DSCAM: variants seen among roughly 807,000 people sequenced by gnomAD.
DSCAM encodes the protein DS cell adhesion molecule.
Under a neutral mutation model 217.7 loss-of-function variants are expected in DSCAM, and 47 were observed. That is an observed-to-expected ratio of 0.22 (90% CI 0.17 to 0.28). The LOEUF (loss-of-function observed/expected upper bound fraction) is 0.28, where lower values mean the gene tolerates loss of function less well. Ranked by LOEUF, DSCAM falls within the 10% of genes least tolerant of loss-of-function variation. The pLI, the probability that DSCAM is intolerant of heterozygous loss-of-function variation, is 1.00. For missense variants in DSCAM, 2,080 were observed against 2,618.3 expected, an observed-to-expected ratio of 0.79 and a Z score of 4.49; for synonymous variants, 1,056 against 1,015.3, an observed-to-expected ratio of 1.04 and a Z score of -0.76.
chr21:40,112,665 G>T (rs965245336), intron 20 of DSCAM, among the ~76,000 whole-genome samples: 2 of 151,994 alleles, frequency 1.3e-5, no homozygotes, highest in African/African-American at 4.8e-5. Context: ...TTGATAGACC[G>T]CTAGCAAGAC....
intron 8 of DSCAM, among the ~76,000 whole-genome samples, chr21:40,325,596 A>G (rs2074308821): frequency 6.6e-6 from 1 of 152,244 alleles, no homozygotes; most frequent in Admixed American, 6.5e-5. Flanking sequence ...ACAGCAAAGC[A>G]GGAAGAAGTA....
chr21:40,596,058 A>G (rs2077019377), intron 3 of DSCAM, among the ~76,000 whole-genome samples: 1 of 152,194 alleles, frequency 6.6e-6, no homozygotes, highest in Non-Finnish European at 1.5e-5. Context: ...CACTAGGACC[A>G]GCCTGTTTTC....
intron 21 of DSCAM, among the ~76,000 whole-genome samples, chr21:40,089,340 T>C (rs987739209): frequency 3.3e-5 from 5 of 152,196 alleles, no homozygotes; most frequent in Admixed American, 2.6e-4. Flanking sequence ...TTTCCTGTAC[T>C]TGGGGCATCT....
intron 16 of DSCAM, among the ~76,000 whole-genome samples, chr21:40,161,313 T>C (rs1013555839): frequency 7.9e-5 from 12 of 152,138 alleles, no homozygotes; most frequent in African/African-American, 2.7e-4. Context: ...CCAAATGGTA[T>C]AAATAAACAC....
At chr21:40,407,220 G>A (rs978318667) in intron 3 of DSCAM, among the ~76,000 whole-genome samples, 14 of 152,098 alleles carry the variant, frequency 9.2e-5, no homozygotes, top group African/African-American at 1.4e-4. Flanking sequence ...AGAATAAATT[G>A]TGTACATTTC....
chr21:40,633,462 T>A (rs931988814), intron 3 of DSCAM, among the ~76,000 whole-genome samples: 1 of 152,188 alleles, frequency 6.6e-6, no homozygotes, highest in African/African-American at 2.4e-5. Flanking sequence ...TCTCAGTAAA[T>A]AGCATCTTAA....
intron 1 of DSCAM, among the ~76,000 whole-genome samples, chr21:40,730,171 G>A (rs1007757815): frequency 7.2e-5 from 11 of 152,126 alleles, no homozygotes; most frequent in Admixed American, 1.3e-4. Flanking sequence ...CCTCCGGGGC[G>A]CAGGAGGTCA....
At chr21:40,719,947 A>G (rs1434431989) in intron 1 of DSCAM, among the ~76,000 whole-genome samples, 2 of 152,006 alleles carry the variant, frequency 1.3e-5, no homozygotes. Context: ...AGTTTAAAGA[A>G]ATTGGAAAAA....
chr21:40,667,341 G>A lies in DSCAM; in HGVS notation c.508+25469C>T, dbSNP rs185897651. On this transcript the variant is annotated intron_variant, in intron 3 of 32. Transcript: ENST00000400454. The stretch of plus-strand genomic sequence containing the variant: ...TGGACAGTATCTGAAATGCAGTCCC[G>A]AGCAGGAGAAATGTAGTTTCATCAG... Among the ~76,000 whole-genome samples the A allele has an allele frequency of 2.5e-4, 38 of 152,252 alleles. No individual in the cohort carries two copies. The East Asian group carries it at 2.7e-3, about 11-fold the overall frequency.
intron 3 of DSCAM, among the ~76,000 whole-genome samples, chr21:40,546,911 G>A (rs2076587715): frequency 6.6e-6 from 1 of 152,096 alleles, no homozygotes; most frequent in Admixed American, 6.5e-5. Flanking sequence ...CCAGGGGCTG[G>A]GGCTGGGGTG....
chr21:40,765,542 G>C (rs1422493619), intron 1 of DSCAM, among the ~76,000 whole-genome samples: 4 of 152,072 alleles, frequency 2.6e-5, no homozygotes, highest in Non-Finnish European at 5.9e-5. Flanking sequence ...TTTAAACTTT[G>C]TTTCCTGAGA....
chr21:40,843,378 G>A (rs1467080026), intron 1 of DSCAM, among the ~76,000 whole-genome samples: 3 of 73,654 alleles, frequency 4.1e-5, no homozygotes, highest in Admixed American at 3.3e-4. Context: ...ATGTGTGTGT[G>A]TGTGTGTGTG....
intron 8 of DSCAM, among the ~76,000 whole-genome samples, chr21:40,330,540 T>G (rs1320370613): frequency 1.3e-5 from 2 of 151,772 alleles, no homozygotes; most frequent in African/African-American, 4.8e-5. Flanking sequence ...TAAAGAAAGG[T>G]GTCTGCTTCG....
chr21:40,420,063 T>A (rs2123816128), intron 3 of DSCAM, among the ~76,000 whole-genome samples: 1 of 152,110 alleles, frequency 6.6e-6, no homozygotes, highest in Admixed American at 6.5e-5. Context: ...AACAAAAAAA[T>A]TAGGCACAAA....
rs191006597 is a variant in DSCAM, at chr21:40,822,315, T to C, written c.43+24304A>G. 2.8e-3 allele frequency among the ~76,000 whole-genome samples: 292 copies of C among 103,990 alleles called. 1 individual carries two copies. The highest frequency in any genetic ancestry group is 5.1e-3 in the Non-Finnish European group (261 of 50,750). 68.2% of individuals were successfully genotyped at this position (103,990 alleles called of 152,430 possible). On this transcript the variant is annotated intron_variant, in intron 1 of 32. Transcript: ENST00000400454. ...GCCTGGGTGACAGAGTGAGATCTTT[T>C]CTCAAAAAAAAAAAAAAAAAAAAAA...
intron 1 of DSCAM, among the ~76,000 whole-genome samples, chr21:40,744,826 T>C (rs148529509): frequency 0.01 from 1,584 of 152,272 alleles, 91 homozygotes; most frequent in Admixed American, 0.091. Flanking sequence ...CCCAGAAGAA[T>C]TAAATATCTA....
chr21:40,024,800 A>G lies in DSCAM; in HGVS notation c.5687-11414T>C, dbSNP rs1184387979. Reference sequence around the variant, plus strand: ...GACAGTGGGGTTTTCTAGATACACAATCATGTCATCTGCAAACAGGGACAA... The same window carrying G: ...GACAGTGGGGTTTTCTAGATACACAGTCATGTCATCTGCAAACAGGGACAA... On this transcript the variant is annotated intron_variant, in intron 32 of 32. Transcript: ENST00000400454. 2.2e-4 allele frequency among the ~76,000 whole-genome samples: 17 copies of G among 76,242 alleles called. 6 individuals are homozygous for G. Among genetic ancestry groups the G allele is most frequent in the African/African-American group, 6.9e-4 (14 of 20,264 alleles). 50.0% of individuals were successfully genotyped at this position (76,242 alleles called of 152,430 possible).
At chr21:40,540,826 C>T (rs966826572) in intron 3 of DSCAM, among the ~76,000 whole-genome samples, 1 of 152,086 alleles carries the variant, frequency 6.6e-6, no homozygotes, top group Non-Finnish European at 1.5e-5. Context: ...AGCCAACCAA[C>T]TAACAACTGA....
Position 40,044,088 on chromosome 21 carries a change from C to T in DSCAM, c.5373G>A (p.Ser1791=), listed in dbSNP as rs200612082. 31 of 1,613,390 alleles carry T rather than the reference C, an allele frequency of 1.9e-5. 1 individual carries two copies. The highest frequency in any genetic ancestry group is 1.5e-4 in the Admixed American group (9 of 60,006). The change falls in exon 31 of 33, where the codon TCG becomes TCA. Residue 1791 remains serine (S), a synonymous_variant. Coordinates refer to ENST00000400454, the MANE Select transcript of DSCAM (RefSeq NM_001389.5). ...AGCGTCAGGGCCTACCTGTGTCTTG[C>T]GAGGGGCTGACGCTGTAACTGTCGC... is the stretch of plus-strand genomic sequence containing the variant. The part of the protein sequence containing the change: ...KESDSYSVSP[S]QDTDRARSSM...
Sources: gnomAD v4.1 joint callset for allele counts (sites outside exome capture counted in the v4.1 genomes callset) on GRCh38, gnomAD v4.1.1 for gene constraint, MANE v1.5 for transcripts, NCBI Gene and HGNC (gene_info 2026-07-23, HGNC 2026-07-21) for gene names.